The following TRIQK variants were observed in gnomAD, a reference collection of about 807,000 sequenced individuals.
The protein encoded by TRIQK is triple QxxK/R motif-containing protein.
In TRIQK, 10 loss-of-function variants were observed where a neutral mutation model predicts 10.8. That is an observed-to-expected ratio of 0.92 (90% CI 0.57 to 1.57). TRIQK has a LOEUF of 1.57. Ranked by LOEUF, TRIQK falls within the 40% of genes most tolerant of loss-of-function variation. TRIQK has a pLI of 0.00. For missense variants in TRIQK, 107 were observed against 97.7 expected (o/e 1.09, Z -0.40); for synonymous variants, 33 against 33.7 (o/e 0.98, Z 0.07).
intron 1 of TRIQK, among the ~76,000 whole-genome samples, chr8:92,959,523 A>ACACACACACACACAC: frequency 6.9e-6 from 1 of 144,912 alleles, no homozygotes; most frequent in Non-Finnish European, 1.5e-5. Context: ...ACACACACAC[A>ACACACACACACACAC]AAATGGCTTT....
At chr8:92,891,924 T>A (rs1465763586) in intron 4 of TRIQK, 65 bp downstream of exon 4, 2 of 1,108,234 alleles carry the variant, frequency 1.8e-6, no homozygotes, top group African/African-American at 1.6e-5. Context: ...ATTTATGCAA[T>A]CCAGTTTTAG....
intron 1 of TRIQK, among the ~76,000 whole-genome samples, chr8:92,994,622 T>C (rs1813133876): frequency 6.6e-6 from 1 of 152,162 alleles, no homozygotes; most frequent in South Asian, 2.1e-4. Context: ...AGGTTACTTA[T>C]TCCAGTTTTA....
Position 92,896,508 on chromosome 8 carries a change from C to T in TRIQK, c.62-4434G>A, listed in dbSNP as rs115743635. 3.4e-3 allele frequency among the ~76,000 whole-genome samples: 522 copies of T among 152,190 alleles called. 5 individuals carry two copies. The highest frequency in any genetic ancestry group is 0.012 in the African/African-American group (498 of 41,548). The stretch of plus-strand genomic sequence containing the variant: ...CAAGAATTATAGAGCTACCAGTGTG[C>T]AATTACAGTCTGGGAAAGAACCAGT... On this transcript the variant is annotated intron_variant, in intron 3 of 4. Coordinates refer to ENST00000521988, the MANE Select transcript of TRIQK (RefSeq NM_001171797.2).
Position 92,956,899 on chromosome 8 carries a change from A to G in TRIQK, c.-180-2335T>C, listed in dbSNP as rs1047558892. Among the ~76,000 whole-genome samples, 8 of 151,988 alleles carry G rather than the reference A, an allele frequency of 5.3e-5. No individual in the cohort carries two copies. In the East Asian group the frequency reaches 5.8e-4, roughly 11 times the overall value. On this transcript the variant is annotated intron_variant, in intron 1 of 4. Transcript: ENST00000521988. ...CTTATTAATGATGATTGTTAATATTAGTAATAATAGCAGCTACGCATTTGT... is the reference window on the plus strand; with the variant it reads ...CTTATTAATGATGATTGTTAATATTGGTAATAATAGCAGCTACGCATTTGT...
At chr8:92,980,788 T>G (rs1292564171) in intron 1 of TRIQK, among the ~76,000 whole-genome samples, 1 of 151,918 alleles carries the variant, frequency 6.6e-6, no homozygotes, top group African/African-American at 2.4e-5. Context: ...CCTTTAGTTT[T>G]TTTCATAATC....
intron 3 of TRIQK, among the ~76,000 whole-genome samples, chr8:92,906,765 C>A (rs1281979353): frequency 6.7e-6 from 1 of 148,668 alleles, no homozygotes; most frequent in Non-Finnish European, 1.5e-5. Flanking sequence ...TGGTGGCAGG[C>A]GCCTGTGGTC....
intron 1 of TRIQK, among the ~76,000 whole-genome samples, chr8:92,988,473 G>A (rs1256704592): frequency 2.0e-5 from 3 of 151,968 alleles, no homozygotes; most frequent in Admixed American, 1.3e-4. Context: ...AATGTGGTAG[G>A]GTACTATATT....
intron 2 of TRIQK, among the ~76,000 whole-genome samples, chr8:92,947,007 C>T (rs1259399368): frequency 2.6e-5 from 4 of 151,444 alleles, no homozygotes; most frequent in African/African-American, 9.7e-5. Flanking sequence ...CCTCGTGATC[C>T]GCCCGCCTTG....
At position 92,889,921 on chromosome 8, in the gene TRIQK, GAATTA is replaced by G. The variant is rs575535683; in HGVS notation, c.147+2063_147+2067del. 6.4e-3 allele frequency among the ~76,000 whole-genome samples: 972 copies of G among 151,702 alleles called. 4 individuals are homozygous for G. Among genetic ancestry groups the G allele is most frequent in the Non-Finnish European group, 0.011 (729 of 67,738 alleles). ...ATCTGTTCATATTTTCTATAGATAT[GAATTA>G]AATGAAGAGTATATCTATGATTCAT... On this transcript the variant is annotated intron_variant, in intron 4 of 4. Transcript: ENST00000521988.
chr8:92,974,844 C>T (rs1812915099), intron 1 of TRIQK: 2 of 152,148 alleles, frequency 1.3e-5, no homozygotes, highest in Admixed American at 6.6e-5. Flanking sequence ...GGCACCTTAC[C>T]AGTTTTAGCC....
chr8:92,949,838 GA>G, intron 2 of TRIQK, among the ~76,000 whole-genome samples: 1 of 78,920 alleles, frequency 1.3e-5, no homozygotes, highest in Non-Finnish European at 2.4e-5. Context: ...AAGAAAGAAA[GA>G]AAGGGAGAGA....
rs1240210931 is a variant in TRIQK, at chr8:92,885,928, G to C, written c.*694C>G. The C allele has an allele frequency of 2.0e-5, 3 of 151,628 alleles. No individual in the cohort carries two copies. Among genetic ancestry groups the C allele is most frequent in the Non-Finnish European group, 4.4e-5 (3 of 67,778 alleles). The allele number at this position is 151,628 out of a possible 1,614,324, so 9.4% of individuals were successfully genotyped here. A position where few individuals can be genotyped will look rare whatever the true frequency, so the allele number is the denominator to read the frequency against. On this transcript the variant is annotated 3_prime_UTR_variant, in exon 5 of 5. Coordinates refer to ENST00000521988, the MANE Select transcript of TRIQK (RefSeq NM_001171797.2). Reference sequence around the variant, plus strand: ...AGAATTCCAAGGTTATATTAATAGAGTAATAAGTTAATTAAAACCAAGATC... The same window carrying C: ...AGAATTCCAAGGTTATATTAATAGACTAATAAGTTAATTAAAACCAAGATC...
At chr8:92,996,598 T>G (rs1452536469) in intron 1 of TRIQK, among the ~76,000 whole-genome samples, 1 of 152,034 alleles carries the variant, frequency 6.6e-6, no homozygotes, top group Non-Finnish European at 1.5e-5. Flanking sequence ...TATTATAAAC[T>G]ATAATTAATT....
intron 2 of TRIQK, among the ~76,000 whole-genome samples, chr8:92,917,842 T>A (rs2339739): frequency 0.43 from 65,839 of 151,762 alleles, 15,232 homozygotes; most frequent in Admixed American, 0.59. Flanking sequence ...CTACTCTAAC[T>A]GTATTTTTGT....
At chr8:92,949,994 CTAA>C (rs1181853514) in intron 2 of TRIQK, among the ~76,000 whole-genome samples, 33 of 152,224 alleles carry the variant, frequency 2.2e-4, no homozygotes, top group African/African-American at 7.2e-4. Flanking sequence ...TCAGAATATA[CTAA>C]GCCTATAACA....
chr8:93,016,352 TTCTAA>T (rs1241098807), intron 1 of TRIQK, among the ~76,000 whole-genome samples: 1 of 152,222 alleles, frequency 6.6e-6, no homozygotes, highest in African/African-American at 2.4e-5. Context: ...AGTTGTTATT[TTCTAA>T]TCTAATCAGA....
intron 4 of TRIQK, among the ~76,000 whole-genome samples, chr8:92,887,582 A>T (rs1332304245): frequency 6.6e-6 from 1 of 151,554 alleles, no homozygotes; most frequent in Non-Finnish European, 1.5e-5. Flanking sequence ...AGAAAAAAAA[A>T]GCAAATAGAA....
intron 1 of TRIQK, among the ~76,000 whole-genome samples, chr8:92,985,220 CTGTGTG>C (rs34545263): frequency 1.3e-5 from 2 of 151,316 alleles, no homozygotes; most frequent in African/African-American, 2.4e-5. Context: ...GTGAGATTAT[CTGTGTG>C]TGTGTGTGTG....
intron 1 of TRIQK, among the ~76,000 whole-genome samples, chr8:93,013,215 A>T (rs542255279): frequency 6.6e-6 from 1 of 152,356 alleles, no homozygotes; most frequent in Admixed American, 6.5e-5. Context: ...ATTCCCAATT[A>T]AAGAGTAAAT....
Sources: allele counts gnomAD v4.1 joint callset (sites outside exome capture counted in the v4.1 genomes callset), GRCh38; gene constraint gnomAD v4.1.1; transcripts MANE v1.5; gene names NCBI Gene and HGNC (gene_info 2026-07-23, HGNC 2026-07-21).